PTPRS: variants seen among roughly 807,000 people sequenced by gnomAD.
PTPRS encodes the protein receptor-type tyrosine-protein phosphatase S.
A neutral mutation model predicts 215.3 loss-of-function variants in PTPRS; 63 were observed. That is an observed-to-expected ratio of 0.29 (90% CI 0.24 to 0.36). PTPRS has a LOEUF of 0.36. Ranked by LOEUF, PTPRS falls within the 10% of genes least tolerant of loss-of-function variation. PTPRS has a pLI of 1.00. For synonymous variants in PTPRS, 1,404 were observed against 1,191.4 expected (o/e 1.18, Z -3.68); for missense variants, 2,258 against 2,825.8 (o/e 0.80, Z 4.56).
Position 5,225,496 on chromosome 19 carries a change from G to A in PTPRS, c.2494+231C>T, listed in dbSNP as rs960620157. On this transcript the variant is annotated intron_variant, in intron 17 of 37. Coordinates refer to ENST00000262963, the MANE Select transcript of PTPRS (RefSeq NM_002850.4). ...GGTGGCTGTTAACTGTTTCTGTCTG[G>A]TGGGAGCCGGGGGGACAGGAAGTGA... Among the ~76,000 whole-genome samples the A allele has an allele frequency of 4.0e-5, 6 of 151,860 alleles. No homozygotes were observed. The East Asian group carries it at 9.6e-4, about 24-fold the overall frequency.
intron 25 of PTPRS, among the ~76,000 whole-genome samples, chr19:5,217,582 T>C (rs2041598533): frequency 6.6e-6 from 1 of 152,126 alleles, no homozygotes; most frequent in Non-Finnish European, 1.5e-5. Context: ...TGTGAGGCTA[T>C]GCATGAGGCT....
chr19:5,239,096 T>TG (rs747445028), intron 12 of PTPRS, 33 bp from the exon 13 acceptor site: 2 of 1,414,836 alleles, frequency 1.4e-6, no homozygotes, highest in Non-Finnish European at 1.9e-6. Flanking sequence ...CAGAGAGGGA[T>TG]GGGGGAGAGA....
chr19:5,285,807 C>T (rs780876351), intron 2 of PTPRS, among the ~76,000 whole-genome samples: 2 of 152,214 alleles, frequency 1.3e-5, no homozygotes, highest in Admixed American at 6.5e-5. Context: ...GGGAAACAGA[C>T]GCCGTCATCA....
chr19:5,269,467 G>T (rs2046717214), intron 4 of PTPRS, among the ~76,000 whole-genome samples: 1 of 152,074 alleles, frequency 6.6e-6, no homozygotes, highest in South Asian at 2.1e-4. Flanking sequence ...AGTCCAGATG[G>T]TCCCCCACCA....
At chr19:5,240,061 G>T in intron 12 of PTPRS, 138 bp downstream of exon 12, 1 of 1,053,824 alleles carries the variant, frequency 9.5e-7, no homozygotes, top group Non-Finnish European at 1.3e-6. Flanking sequence ...CAGAGACGCA[G>T]GAGAAGCAGA....
At chr19:5,305,547 TCAGA>T (rs934732349) in intron 1 of PTPRS, among the ~76,000 whole-genome samples, 1 of 144,012 alleles carries the variant, frequency 6.9e-6, no homozygotes, top group Non-Finnish European at 1.5e-5. Context: ...AGACCCTATC[TCAGA>T]CAAACAAACA....
chr19:5,298,289 G>A (rs190922995), intron 1 of PTPRS, among the ~76,000 whole-genome samples: 75 of 152,308 alleles, frequency 4.9e-4, no homozygotes, highest in Admixed American at 8.5e-4. Context: ...GTCTCCTGAA[G>A]AAACTTCCAA....
chr19:5,250,165 A>G lies in PTPRS; in HGVS notation c.719-4120T>C, dbSNP rs144482074. Among the ~76,000 whole-genome samples the G allele has an allele frequency of 1.9e-4, 29 of 152,308 alleles. No individual in the cohort carries two copies. The East Asian group carries it at 5.4e-3, about 28-fold the overall frequency. On this transcript the variant is annotated intron_variant, in intron 9 of 37. Transcript: ENST00000262963. ...TAATGGCTCCTCTGACACCTAAGAA[A>G]CTTGCCCACTTGCTTTCTCACCCGC...
intron 2 of PTPRS, among the ~76,000 whole-genome samples, chr19:5,275,043 G>A (rs1339207107): frequency 6.6e-6 from 1 of 150,630 alleles, no homozygotes; most frequent in Non-Finnish European, 1.5e-5. Flanking sequence ...GCATGGAGAG[G>A]CAGTGCCATC....
rs1358091402 is a variant in PTPRS, at chr19:5,246,021, G to A, written c.743C>T (p.Ser248Phe). 1 of 1,552,632 alleles carries A rather than the reference G, an allele frequency of 6.4e-7. No homozygotes were observed. The highest frequency in any genetic ancestry group is 8.7e-7 in the Non-Finnish European group (1 of 1,146,484). Reference sequence around the variant, plus strand: ...GATCTCGTGGCTCATGGGCAGGATGGAGAAGCGCGGGGCCACGCGGCGGAC... The same window carrying A: ...GATCTCGTGGCTCATGGGCAGGATGAAGAAGCGCGGGGCCACGCGGCGGAC... The part of the protein sequence containing the change: ...REVRRVAPRF[S>F]ILPMSHEIMP... The change falls in exon 10 of 38, where the codon TCC becomes TTC. Residue 248 changes from serine (S) to phenylalanine (F), a missense_variant. By Grantham distance (155) the Ser-to-Phe change is radical. Around this residue, in one of 6 missense-constraint regions of PTPRS, gnomAD observed 508 missense variants for 799.4 expected, o/e 0.64. Transcript: ENST00000262963.
At chr19:5,279,796 C>T (rs1479708264) in intron 2 of PTPRS, among the ~76,000 whole-genome samples, 2 of 152,190 alleles carry the variant, frequency 1.3e-5, no homozygotes, top group Non-Finnish European at 2.9e-5. Context: ...CATTCTCCTG[C>T]CTCAGCCTCC....
chr19:5,234,949 T>C (rs866216185), intron 13 of PTPRS, among the ~76,000 whole-genome samples: 6,295 of 151,146 alleles, frequency 0.042, 440 homozygotes, highest in African/African-American at 0.14. Flanking sequence ...CTTTCTTTTT[T>C]TTTTTTTTTT....
intron 1 of PTPRS, among the ~76,000 whole-genome samples, chr19:5,310,546 G>C (rs2049667890): frequency 6.6e-6 from 1 of 151,970 alleles, no homozygotes; most frequent in Non-Finnish European, 1.5e-5. Flanking sequence ...TCAAACTCCT[G>C]ACCTCAAGTG....
chr19:5,213,910 A>T (rs1403995982), intron 30 of PTPRS, among the ~76,000 whole-genome samples: 1 of 152,152 alleles, frequency 6.6e-6, no homozygotes, highest in African/African-American at 2.4e-5. Context: ...AGCAGCCATC[A>T]GTTAAATACA....
chr19:5,306,457 T>C (rs1220699483), intron 1 of PTPRS, among the ~76,000 whole-genome samples: 2 of 152,156 alleles, frequency 1.3e-5, no homozygotes, highest in Non-Finnish European at 2.9e-5. Flanking sequence ...GGGTGATTTT[T>C]TTTTTGTATG....
chr19:5,312,551 CTT>C (rs902908713), intron 1 of PTPRS, among the ~76,000 whole-genome samples: 2 of 152,066 alleles, frequency 1.3e-5, no homozygotes, highest in African/African-American at 2.4e-5. Context: ...GTCCCAGCCA[CTT>C]GAGAGGCCAA....
In PTPRS at chr19:5,339,539, T is replaced by C. The variant is rs1048055912; in HGVS notation, c.-95+1125A>G. 2.0e-5 allele frequency among the ~76,000 whole-genome samples: 3 copies of C among 148,954 alleles called. No individual in the cohort carries two copies. The highest frequency in any genetic ancestry group is 7.5e-5 in the African/African-American group (3 of 40,216). ...TCCCCAATTTGGGAAGGGGGGGAAT[T>C]GGTGGGAAATGTCCAGGATTTGTAG... On this transcript the variant is annotated intron_variant, in intron 1 of 37. Coordinates refer to ENST00000262963, the MANE Select transcript of PTPRS (RefSeq NM_002850.4). This position sits in a 1 kb window ranked among gnomAD's most constrained non-coding sequence, Gnocchi z 4.2.
intron 1 of PTPRS, among the ~76,000 whole-genome samples, chr19:5,300,715 C>G (rs1278528815): frequency 5.1e-5 from 7 of 136,730 alleles, no homozygotes; most frequent in Non-Finnish European, 7.6e-5. Flanking sequence ...TTGCAGTAAG[C>G]TGAAATTGTG....
chr19:5,321,727 A>C (rs1232838624), intron 1 of PTPRS, among the ~76,000 whole-genome samples: 1 of 152,022 alleles, frequency 6.6e-6, no homozygotes, highest in African/African-American at 2.4e-5. Flanking sequence ...AGGCTCAGAG[A>C]AAGAACCATT....
Sources: allele counts gnomAD v4.1 joint callset (sites outside exome capture counted in the v4.1 genomes callset), GRCh38; gene constraint gnomAD v4.1.1; regional missense constraint gnomAD v4.1.1; non-coding constraint Gnocchi (gnomAD v3.1); transcripts MANE v1.5; gene names NCBI Gene and HGNC (gene_info 2026-07-23, HGNC 2026-07-21).